ITCH: variants seen among roughly 807,000 people sequenced by gnomAD.
The protein encoded by ITCH is itchy E3 ubiquitin protein ligase, also known as E3 ubiquitin-protein ligase Itchy homolog.
A neutral mutation model predicts 126.8 loss-of-function variants in ITCH; 28 were observed. The ratio of observed to expected loss-of-function variants is 0.22; its 90% CI spans 0.16 to 0.30. ITCH has a LOEUF of 0.30. Ranked by LOEUF, ITCH falls within the 10% of genes least tolerant of loss-of-function variation. The pLI, the probability that ITCH is intolerant of heterozygous loss-of-function variation, is 1.00. For missense variants in ITCH, 631 were observed against 1,032.4 expected, an observed-to-expected ratio of 0.61 and a Z score of 5.33; for synonymous variants, 342 against 340.0, an observed-to-expected ratio of 1.01 and a Z score of -0.06.
In ITCH at chr20:34,505,258, G is replaced by A. The variant is rs1454391426; in HGVS notation, c.2489+855G>A. ...GGGGTTTCGCCATGTTGGTCAGGCC[G>A]GTCTCAAACTCCTGATCTCAGGTGA... is the stretch of plus-strand genomic sequence containing the variant. On this transcript the variant is annotated intron_variant, in intron 24 of 24. Transcript: ENST00000374864. 7.2e-5 allele frequency among the ~76,000 whole-genome samples: 11 copies of A among 152,188 alleles called. No individual in the cohort carries two copies. The East Asian group carries it at 7.7e-4, about 11-fold the overall frequency.
intron 9 of ITCH, chr20:34,441,759 A>G: frequency 4.8e-6 from 1 of 206,854 alleles, no homozygotes; most frequent in Non-Finnish European, 1.0e-5. Context: ...CTAATTTTTG[A>G]ATTTTCAGTA....
intron 14 of ITCH, among the ~76,000 whole-genome samples, chr20:34,469,617 A>G (rs1263023270): frequency 2.0e-5 from 3 of 152,188 alleles, no homozygotes; most frequent in East Asian, 1.9e-4. Context: ...AACGTTTCAT[A>G]TGCCACTTTC....
chr20:34,421,177 C>T (rs962798587), intron 6 of ITCH, among the ~76,000 whole-genome samples: 4 of 152,196 alleles, frequency 2.6e-5, no homozygotes, highest in South Asian at 4.1e-4. Flanking sequence ...TTCACAGGAA[C>T]GGTCATAGCA....
chr20:34,365,057 G>C (rs1329435083), intron 1 of ITCH, among the ~76,000 whole-genome samples: 1 of 152,022 alleles, frequency 6.6e-6, no homozygotes, highest in African/African-American at 2.4e-5. Flanking sequence ...AAGATTTGCC[G>C]GGTGTGGTGG....
chr20:34,467,479 C>T (rs947168154), intron 14 of ITCH, among the ~76,000 whole-genome samples: 2 of 149,600 alleles, frequency 1.3e-5, no homozygotes, highest in Admixed American at 6.7e-5. Context: ...ACCGAGATCG[C>T]GCCACTGTAC....
chr20:34,482,436 A>G (rs1278948438), intron 20 of ITCH, among the ~76,000 whole-genome samples: 1 of 152,236 alleles, frequency 6.6e-6, no homozygotes, highest in African/African-American at 2.4e-5. Context: ...AAATACAGCC[A>G]TTCAAGATGG....
chr20:34,509,224 G>A lies in ITCH; in HGVS notation c.*1430G>A, dbSNP rs759563756. ...AATTATTTTAACTTGGCCTAGCTTC[G>A]ACTGTCAAGGTGGCTGTTATAAATT... On this transcript the variant is annotated 3_prime_UTR_variant, in exon 25 of 25. Coordinates refer to ENST00000374864, the MANE Select transcript of ITCH (RefSeq NM_031483.7). The A allele has an allele frequency of 1.3e-5, 2 of 152,260 alleles. No homozygotes were observed. The highest frequency in any genetic ancestry group is 4.1e-4 in the South Asian group (2 of 4,824). 9.4% of individuals were successfully genotyped at this position (152,260 alleles called of 1,614,324 possible).
At chr20:34,480,999 G>A (rs960945000) in intron 19 of ITCH, 67 bp from the exon 20 acceptor site, 26 of 1,516,636 alleles carry the variant, frequency 1.7e-5, no homozygotes, top group Middle Eastern at 1.9e-4. Context: ...TGGGCCTTTC[G>A]TTAAAAACTT....
Position 34,440,058 on chromosome 20 carries a change from T to C in ITCH, c.680-97T>C, listed in dbSNP as rs759276205. On this transcript the variant is annotated intron_variant, in intron 8 of 24. Coordinates refer to ENST00000374864, the MANE Select transcript of ITCH (RefSeq NM_031483.7). ...CTGTGCATCTACATCTTAAGTTTTA[T>C]ATTTATCATCTGCCTTTTATTTTTT... 1.4e-5 allele frequency: 12 copies of C among 862,378 alleles called. 1 individual carries two copies. Among genetic ancestry groups the C allele is most frequent in the Admixed American group, 2.2e-5 (1 of 44,622 alleles). 53.4% of individuals were successfully genotyped at this position (862,378 alleles called of 1,614,324 possible). A position where few individuals can be genotyped will look rare whatever the true frequency, so the allele number is the denominator to read the frequency against.
intron 20 of ITCH, 45 bp downstream of exon 20, chr20:34,481,251 C>G: frequency 6.3e-7 from 1 of 1,581,030 alleles, no homozygotes; most frequent in South Asian, 1.1e-5. Flanking sequence ...TTGACTACAG[C>G]ACATTGATAA....
intron 8 of ITCH, 54 bp downstream of exon 8, chr20:34,438,685 A>G: frequency 6.3e-7 from 1 of 1,579,676 alleles, no homozygotes; most frequent in African/African-American, 1.3e-5. Context: ...TTGGCAATTA[A>G]TCCTCAGGTA....
chr20:34,429,501 AT>A, intron 7 of ITCH, among the ~76,000 whole-genome samples: 1 of 152,270 alleles, frequency 6.6e-6, no homozygotes, highest in Non-Finnish European at 1.5e-5. Context: ...TTTCTAACAC[AT>A]TTCCATGTGA....
At chr20:34,401,760 G>A (rs994435707) in intron 3 of ITCH, 2 of 420,642 alleles carry the variant, frequency 4.8e-6, no homozygotes, top group African/African-American at 4.4e-5. Flanking sequence ...CTAAAAAAGA[G>A]GAGGGGGAAA....
rs745946099 is a variant in ITCH at position 34,440,156 on chromosome 20, A to G, written c.681A>G (p.Ala227=). 1.7e-5 allele frequency: 27 copies of G among 1,607,336 alleles called. No homozygotes were observed. The highest frequency in any genetic ancestry group is 5.0e-5 in the Admixed American group (3 of 59,970). ...CTATTTTCCCCAAATCTTTTATAGC[A>G]TCTGTCAATGGTTCACCATCTGCCA... The part of the protein sequence containing the change: ...RPPPPTPRRP[A]SVNGSPSATS... Residue 227 remains alanine, a splice_region_variant and synonymous_variant, in exon 9 of 25, where the codon GCA becomes GCG. Transcript: ENST00000374864.
chr20:34,421,062 C>T (rs1454674823), intron 6 of ITCH, among the ~76,000 whole-genome samples: 1 of 152,132 alleles, frequency 6.6e-6, no homozygotes, highest in East Asian at 1.9e-4. Context: ...CTCTGGATAA[C>T]CCAGTTTTTC....
intron 3 of ITCH, among the ~76,000 whole-genome samples, chr20:34,406,099 G>A (rs1282186077): frequency 6.6e-6 from 1 of 151,328 alleles, no homozygotes; most frequent in Non-Finnish European, 1.5e-5. Context: ...ACAGCTCACT[G>A]CAGCCTTGAC....
chr20:34,411,184 C>T (rs761916388), intron 4 of ITCH, among the ~76,000 whole-genome samples: 15 of 151,888 alleles, frequency 9.9e-5, no homozygotes, highest in Non-Finnish European at 1.9e-4. Context: ...TTCTTTTTTC[C>T]ACTCTCACCC....
intron 14 of ITCH, among the ~76,000 whole-genome samples, chr20:34,467,289 G>A (rs2146400074): frequency 6.6e-6 from 1 of 152,250 alleles, no homozygotes; most frequent in South Asian, 2.1e-4. Context: ...AGCACTTTGG[G>A]AGGCCAAGGT....
At chr20:34,428,709 C>T (rs374164855) in intron 7 of ITCH, among the ~76,000 whole-genome samples, 1 of 152,026 alleles carries the variant, frequency 6.6e-6, no homozygotes, top group Admixed American at 6.6e-5. Flanking sequence ...TGAGCCACCA[C>T]GCCCAGCACA....
Sources: allele counts gnomAD v4.1 joint callset (sites outside exome capture counted in the v4.1 genomes callset), GRCh38; gene constraint gnomAD v4.1.1; transcripts MANE v1.5; gene names NCBI Gene and HGNC (gene_info 2026-07-23, HGNC 2026-07-21).